The following LRRIQ1 variants were observed in gnomAD, a reference collection of about 807,000 sequenced individuals.
LRRIQ1 encodes the protein leucine-rich repeat- and IQ domain-containing protein 1.
LRRIQ1 carries 210 observed loss-of-function variants against 211.9 expected under a neutral mutation model. That is an observed-to-expected ratio of 0.99 (90% CI 0.89 to 1.11). LRRIQ1 has a LOEUF of 1.11. LRRIQ1 is among the 50% of genes most tolerant of loss of function. The pLI is 0.00. For missense variants in LRRIQ1, 2,136 were observed against 1,939.5 expected (o/e 1.10, Z -1.90); for synonymous variants, 699 against 650.1 (o/e 1.08, Z -1.14).
At chr12:85,267,153 T>C (rs1896437783), downstream of LRRIQ1, among the ~76,000 whole-genome samples, 1 of 152,060 alleles carries the variant, frequency 6.6e-6, no homozygotes, top group East Asian at 1.9e-4. Flanking sequence ...TTTCAAACTA[T>C]TTTTATGACC....
chr12:85,192,837 ATAAT>A (rs1168819384), intron 24 of LRRIQ1, among the ~76,000 whole-genome samples: 1 of 103,880 alleles, frequency 9.6e-6, no homozygotes, highest in Non-Finnish European at 1.7e-5. Flanking sequence ...GTTATATACT[ATAAT>A]TATATATAAA....
chr12:85,153,987 T>G (rs779339571), intron 22 of LRRIQ1, 25 bp from the exon 23 acceptor site: 1 of 1,447,508 alleles, frequency 6.9e-7, no homozygotes, highest in Admixed American at 2.2e-5. Context: ...TTGTTTTACC[T>G]TTATTATATT....
At chr12:85,117,910 A>G (rs1183841283) in intron 15 of LRRIQ1, among the ~76,000 whole-genome samples, 1 of 152,200 alleles carries the variant, frequency 6.6e-6, no homozygotes, top group Non-Finnish European at 1.5e-5. Flanking sequence ...ATGGAGATTT[A>G]GAATACAATG....
Position 85,070,296 on chromosome 12 carries a change from A to G in LRRIQ1, c.2696-2611A>G, listed in dbSNP as rs1452205901. ...TAGCTGATGATAGCCTAAACGCTCC[A>G]TTATAAAGCTCGCCATCAACCTTTC... On this transcript the variant is annotated intron_variant, in intron 10 of 26. Coordinates refer to ENST00000393217, the MANE Select transcript of LRRIQ1 (RefSeq NM_001079910.2). Among the ~76,000 whole-genome samples the G allele has an allele frequency of 3.3e-5, 5 of 152,096 alleles. No individual in the cohort carries two copies. In the East Asian group the frequency reaches 9.7e-4, roughly 30 times the overall value.
At chr12:85,157,961 A>T (rs1205374538) in intron 23 of LRRIQ1, among the ~76,000 whole-genome samples, 1 of 151,964 alleles carries the variant, frequency 6.6e-6, no homozygotes, top group Non-Finnish European at 1.5e-5. Context: ...ATGTAACTAA[A>T]GAATGTTAAG....
intron 15 of LRRIQ1, among the ~76,000 whole-genome samples, chr12:85,111,793 G>A (rs988290958): frequency 6.6e-6 from 1 of 151,964 alleles, no homozygotes; most frequent in African/African-American, 2.4e-5. Context: ...GGAAACAAGT[G>A]ACCAAATTTA....
chr12:85,272,655 T>C, the LRRIQ1 span, among the ~76,000 whole-genome samples: 1 of 152,182 alleles, frequency 6.6e-6, no homozygotes, highest in Non-Finnish European at 1.5e-5. Flanking sequence ...AATTGCTTAT[T>C]ATATTTGAAC....
chr12:85,106,066 G>C (rs990196893), intron 14 of LRRIQ1, among the ~76,000 whole-genome samples: 4 of 152,082 alleles, frequency 2.6e-5, no homozygotes, highest in Non-Finnish European at 5.9e-5. Context: ...AAAGTGCTGG[G>C]ATTACAGGTG....
chr12:85,055,897 G>C lies in LRRIQ1; in HGVS notation c.1104G>C (p.Lys368Asn). 1.3e-6 allele frequency: 2 copies of C among 1,595,354 alleles called. No individual in the cohort carries two copies. The change falls in exon 8 of 27, where the codon AAG (lysine) becomes AAC (asparagine). Residue 368 changes from lysine (K) to asparagine (N), a missense_variant. Lys to Asn is a moderately conservative substitution (Grantham distance 94, BLOSUM62 0). Transcript: ENST00000393217. Reference sequence around the variant, plus strand: ...GAGAAAAAGAATATGAAGAAAAAAAGAATATTGTGAAACAGGAAAGAGAGC... The same window carrying C: ...GAGAAAAAGAATATGAAGAAAAAAACAATATTGTGAAACAGGAAAGAGAGC... ...KRREKEYEEK[K>N]NIVKQEREQL...
At chr12:85,217,768 G>A (rs1005142596) in intron 24 of LRRIQ1, among the ~76,000 whole-genome samples, 2 of 116,710 alleles carry the variant, frequency 1.7e-5, no homozygotes, top group South Asian at 2.2e-4. Context: ...TATAAAATGT[G>A]TGTGTCTCTC....
chr12:85,104,522 A>G (rs1886632338), intron 14 of LRRIQ1, among the ~76,000 whole-genome samples: 1 of 151,794 alleles, frequency 6.6e-6, no homozygotes, highest in Non-Finnish European at 1.5e-5. Flanking sequence ...ACCACACATT[A>G]ATTTTGTCTT....
intron 15 of LRRIQ1, among the ~76,000 whole-genome samples, chr12:85,110,975 G>C (rs942867227): frequency 6.6e-6 from 1 of 152,002 alleles, no homozygotes; most frequent in African/African-American, 2.4e-5. Context: ...TTTTAGAGAG[G>C]TATTTACAAA....
At chr12:85,255,528 T>A (rs936014126) in intron 1 of LRRIQ1, among the ~76,000 whole-genome samples, 4 of 151,834 alleles carry the variant, frequency 2.6e-5, no homozygotes, top group South Asian at 2.1e-4. Flanking sequence ...TAATGAAATC[T>A]GGGTCTTTTA....
intron 25 of LRRIQ1, among the ~76,000 whole-genome samples, chr12:85,230,352 G>A (rs1380738343): frequency 6.6e-6 from 1 of 152,188 alleles, no homozygotes; most frequent in African/African-American, 2.4e-5. Context: ...AGCAGGTTTA[G>A]TATCTTTGGA....
intron 11 of LRRIQ1, among the ~76,000 whole-genome samples, chr12:85,086,854 G>T (rs1342882492): frequency 1.3e-5 from 2 of 151,860 alleles, no homozygotes; most frequent in African/African-American, 2.4e-5. Context: ...CTGGCTTACA[G>T]GGGGAGTAGA....
At chr12:85,122,148 T>C (rs912662135) in intron 16 of LRRIQ1, among the ~76,000 whole-genome samples, 1 of 152,074 alleles carries the variant, frequency 6.6e-6, no homozygotes, top group Non-Finnish European at 1.5e-5. Context: ...GAGGCAAAAA[T>C]TCATAATTAT....
At chr12:85,040,881 A>G (rs918068610) in intron 3 of LRRIQ1, among the ~76,000 whole-genome samples, 5 of 151,634 alleles carry the variant, frequency 3.3e-5, no homozygotes, top group African/African-American at 1.2e-4. Context: ...TAAAGAAAAT[A>G]AAACTAATCA....
intron 24 of LRRIQ1, among the ~76,000 whole-genome samples, chr12:85,220,243 A>T (rs1894335523): frequency 1.3e-5 from 2 of 152,150 alleles, no homozygotes; most frequent in African/African-American, 4.8e-5. Flanking sequence ...ATTTTATTAT[A>T]TTACTGAGAA....
intron 11 of LRRIQ1, among the ~76,000 whole-genome samples, chr12:85,092,537 A>G (rs1565825182): frequency 6.6e-6 from 1 of 152,178 alleles, no homozygotes; most frequent in Non-Finnish European, 1.5e-5. Flanking sequence ...AAGACTGCCA[A>G]CAAAAGGAAA....
Sources: allele counts gnomAD v4.1 joint callset (sites outside exome capture counted in the v4.1 genomes callset), GRCh38; gene constraint gnomAD v4.1.1; transcripts MANE v1.5; gene names NCBI Gene and HGNC (gene_info 2026-07-23, HGNC 2026-07-21).